SMOC2: variants seen among roughly 807,000 people sequenced by gnomAD.
SMOC2 encodes SPARC-related modular calcium-binding protein 2.
Under a neutral mutation model 61.4 loss-of-function variants are expected in SMOC2, and 39 were observed. That is an observed-to-expected ratio of 0.64 (90% CI 0.49 to 0.83). SMOC2 has a LOEUF of 0.83. Ranked by LOEUF, SMOC2 falls within the 40% of genes least tolerant of loss-of-function variation. The pLI is 0.00. For missense variants in SMOC2, 556 were observed against 592.9 expected (o/e 0.94, Z 0.65); for synonymous variants, 247 against 239.9 (o/e 1.03, Z -0.27).
At chr6:168,464,630 G>A (rs931702221) in intron 1 of SMOC2, among the ~76,000 whole-genome samples, 1 of 151,744 alleles carries the variant, frequency 6.6e-6, no homozygotes, top group Admixed American at 6.6e-5. Flanking sequence ...AATCAACTAT[G>A]GTAGTATTTC....
At chr6:168,464,266 G>A (rs962022144) in intron 1 of SMOC2, among the ~76,000 whole-genome samples, 3 of 151,460 alleles carry the variant, frequency 2.0e-5, no homozygotes, top group South Asian at 4.2e-4. Context: ...AAGGACGGAC[G>A]GAAGGAAGGA....
intron 9 of SMOC2, among the ~76,000 whole-genome samples, chr6:168,633,531 A>G (rs943277747): frequency 6.6e-6 from 1 of 152,206 alleles, no homozygotes; most frequent in African/African-American, 2.4e-5. Context: ...GGAAAATAAA[A>G]TATGAAAAAC....
chr6:168,471,167 C>T (rs1464160042), intron 1 of SMOC2, among the ~76,000 whole-genome samples: 4 of 152,272 alleles, frequency 2.6e-5, no homozygotes, highest in Non-Finnish European at 4.4e-5. Context: ...GTCGCACAAC[C>T]GATATCCAGA....
chr6:168,512,209 GC>G (rs1783025462), intron 2 of SMOC2, among the ~76,000 whole-genome samples: 1 of 152,076 alleles, frequency 6.6e-6, no homozygotes, highest in African/African-American at 2.4e-5. Context: ...CCCGGAATTT[GC>G]ACTCTCCTGT....
Position 168,610,816 on chromosome 6 carries a change from G to A in SMOC2, c.907+2577G>A, listed in dbSNP as rs578229705. On this transcript the variant is annotated intron_variant, in intron 9 of 12. Coordinates refer to ENST00000356284, the MANE Select transcript of SMOC2 (RefSeq NM_001166412.2). ...CTGGCTTAAGGGGCTACATAGTGAC[G>A]ACTGGGTCACCGTTTTGGCTTTTGA... is the stretch of plus-strand genomic sequence containing the variant. 1.2e-4 allele frequency among the ~76,000 whole-genome samples: 18 copies of A among 152,314 alleles called. No individual in the cohort carries two copies. The South Asian group carries it at 1.9e-3, about 16-fold the overall frequency.
At chr6:168,596,432 G>C (rs1397455892) in intron 7 of SMOC2, among the ~76,000 whole-genome samples, 1 of 148,326 alleles carries the variant, frequency 6.7e-6, no homozygotes, top group Non-Finnish European at 1.5e-5. Flanking sequence ...CCAGGGTGCT[G>C]CTGGAGGGGC....
intron 11 of SMOC2, among the ~76,000 whole-genome samples, chr6:168,659,136 A>C (rs556186208): frequency 6.6e-6 from 1 of 152,072 alleles, no homozygotes; most frequent in South Asian, 2.1e-4. Flanking sequence ...GGGCTGGATC[A>C]AGCTCTGTTA....
intron 1 of SMOC2, among the ~76,000 whole-genome samples, chr6:168,454,747 T>C (rs756618412): frequency 5.3e-5 from 8 of 152,200 alleles, no homozygotes; most frequent in Admixed American, 2.6e-4. Flanking sequence ...CGGGTGTGTC[T>C]TGATTTGGAG....
At chr6:168,590,566 A>G (rs1433750767) in intron 7 of SMOC2, among the ~76,000 whole-genome samples, 1 of 150,864 alleles carries the variant, frequency 6.6e-6, no homozygotes, top group African/African-American at 2.4e-5. Context: ...CCAAATGTTG[A>G]TGCAAAGCCC....
intron 11 of SMOC2, among the ~76,000 whole-genome samples, chr6:168,659,645 G>GGTGAGGGTGGAGGTTGTAGGCCGA (rs1562410796): frequency 8.6e-5 from 13 of 150,450 alleles, no homozygotes; most frequent in Admixed American, 2.0e-4. Flanking sequence ...TTGTAGGTTG[G>GGTGAGGGTGGAGGTTGTAGGCCGA]GTGAGGGTGG....
rs569740832 is a variant in SMOC2 at position 168,650,390 on chromosome 6, G to A, written c.908-291G>A. Among the ~76,000 whole-genome samples, 68 of 152,296 alleles carry A rather than the reference G, an allele frequency of 4.5e-4. No individual in the cohort carries two copies. The East Asian group carries it at 7.7e-3, about 17-fold the overall frequency. On this transcript the variant is annotated intron_variant, in intron 9 of 12. Transcript: ENST00000356284. ...ACCCGGTGCCTCTGCTGCCACACTC[G>A]CTGGATGAGTGACACTGCCCACCTC... is the stretch of plus-strand genomic sequence containing the variant.
At position 168,526,545 on chromosome 6, in the gene SMOC2, A is replaced by G. The variant is rs73257023; in HGVS notation, c.363+93A>G. 3,826 of 979,910 alleles carry G rather than the reference A, an allele frequency of 3.9e-3. 94 individuals are homozygous for G. In the African/African-American group the frequency reaches 0.053, roughly 14 times the overall value. The allele number at this position is 979,910 out of a possible 1,614,324, so 60.7% of individuals were successfully genotyped here. On this transcript the variant is annotated intron_variant, in intron 3 of 12. Transcript: ENST00000356284. ...GGAGAAGGCAGGTGGGGGGAGCCGAACAGAAGAAGCAGCGGGTTTGTTCTC... is the reference window on the plus strand; with the variant it reads ...GGAGAAGGCAGGTGGGGGGAGCCGAGCAGAAGAAGCAGCGGGTTTGTTCTC...
chr6:168,533,744 G>A (rs1000441862), intron 4 of SMOC2, among the ~76,000 whole-genome samples: 1 of 152,100 alleles, frequency 6.6e-6, no homozygotes, highest in Admixed American at 6.5e-5. Flanking sequence ...CTTGAAAAGT[G>A]AAAGTTATTA....
At chr6:168,604,767 G>T (rs770314049) in intron 8 of SMOC2, among the ~76,000 whole-genome samples, 1 of 152,170 alleles carries the variant, frequency 6.6e-6, no homozygotes, top group Non-Finnish European at 1.5e-5. Flanking sequence ...GAATTAAAAG[G>T]CGTTAGTTTT....
At chr6:168,614,292 C>T (rs1302535834) in intron 9 of SMOC2, among the ~76,000 whole-genome samples, 1 of 71,834 alleles carries the variant, frequency 1.4e-5, no homozygotes, top group African/African-American at 6.3e-5. Flanking sequence ...CAGCACAGGG[C>T]CTCTTCACAC....
chr6:168,503,293 G>C lies in SMOC2; in HGVS notation c.85-6622G>C, dbSNP rs1042422530. On this transcript the variant is annotated intron_variant, in intron 1 of 12. Transcript: ENST00000356284. ...GGGTTTCAGCATGTTGGCCAGGCTGGTCTCGAACTCCTGACCTCAGGTGAT... is the reference window on the plus strand; with the variant it reads ...GGGTTTCAGCATGTTGGCCAGGCTGCTCTCGAACTCCTGACCTCAGGTGAT... Among the ~76,000 whole-genome samples the C allele has an allele frequency of 3.4e-5, 5 of 148,364 alleles. 1 individual carries two copies. Among genetic ancestry groups the C allele is most frequent in the Non-Finnish European group, 7.4e-5 (5 of 67,372 alleles).
chr6:168,480,998 G>A (rs1782195194), intron 1 of SMOC2, among the ~76,000 whole-genome samples: 1 of 152,098 alleles, frequency 6.6e-6, no homozygotes, highest in Non-Finnish European at 1.5e-5. Flanking sequence ...TTCTTCAAAA[G>A]TAAGGAACAG....
At chr6:168,592,442 C>T (rs371082621) in intron 7 of SMOC2, among the ~76,000 whole-genome samples, 769 of 71,008 alleles carry the variant, frequency 0.011, 10 homozygotes, top group South Asian at 0.057. Context: ...AGAGGATCGC[C>T]GAGCTCCTCC....
intron 1 of SMOC2, among the ~76,000 whole-genome samples, chr6:168,450,720 T>C (rs1781441573): frequency 6.6e-6 from 1 of 152,166 alleles, no homozygotes; most frequent in Non-Finnish European, 1.5e-5. Context: ...CTTTGGTTCA[T>C]TGATATCCTT....
Sources: gnomAD v4.1 joint callset for allele counts (sites outside exome capture counted in the v4.1 genomes callset) on GRCh38, gnomAD v4.1.1 for gene constraint, MANE v1.5 for transcripts, NCBI Gene and HGNC (gene_info 2026-07-23, HGNC 2026-07-21) for gene names.